Variants in EVA1A observed in about 807,000 individuals in gnomAD.
EVA1A encodes protein eva-1 homolog A.
EVA1A carries 7 observed loss-of-function variants against 9.8 expected under a neutral mutation model. The ratio of observed to expected loss-of-function variants is 0.71; its 90% CI spans 0.41 to 1.34. EVA1A has a LOEUF of 1.34. Ranked by LOEUF, EVA1A falls within the 40% of genes most tolerant of loss-of-function variation. EVA1A has a pLI of 0.01. For synonymous variants in EVA1A, 90 were observed against 85.6 expected (o/e 1.05, Z -0.28); for missense variants, 206 against 205.9 (o/e 1.00, Z 0.00).
chr2:75,517,353 A>G (rs1675049632), intron 3 of EVA1A, among the ~76,000 whole-genome samples: 1 of 152,200 alleles, frequency 6.6e-6, no homozygotes, highest in Non-Finnish European at 1.5e-5. Flanking sequence ...ACAAAACAAA[A>G]ACAAAAGAAA....
intron 1 of EVA1A, among the ~76,000 whole-genome samples, chr2:75,568,813 G>A (rs941137273): frequency 5.3e-5 from 8 of 152,202 alleles, no homozygotes; most frequent in Non-Finnish European, 1.2e-4. Flanking sequence ...TGGCTGAGTA[G>A]TATTCCATGA....
intron 2 of EVA1A, among the ~76,000 whole-genome samples, chr2:75,520,973 C>A (rs965463395): frequency 2.0e-5 from 3 of 152,122 alleles, no homozygotes; most frequent in Non-Finnish European, 2.9e-5. Flanking sequence ...AGACTGCTAC[C>A]TATCCTAATT....
chr2:75,531,635 A>G (rs2103894536), intron 1 of EVA1A, among the ~76,000 whole-genome samples: 1 of 152,292 alleles, frequency 6.6e-6, no homozygotes, highest in East Asian at 1.9e-4. Flanking sequence ...GTTGGAGACC[A>G]TTATTCTAAG....
At chr2:75,537,299 A>G (rs1675945704) in intron 1 of EVA1A, among the ~76,000 whole-genome samples, 1 of 152,254 alleles carries the variant, frequency 6.6e-6, no homozygotes, top group African/African-American at 2.4e-5. Flanking sequence ...AAATATGAAT[A>G]GAGGGGAATT....
intron 3 of EVA1A, among the ~76,000 whole-genome samples, chr2:75,515,696 G>T (rs1261126474): frequency 6.6e-6 from 1 of 152,126 alleles, no homozygotes; most frequent in Non-Finnish European, 1.5e-5. Context: ...AATTTTAAAT[G>T]CCTCCTTTTA....
At chr2:75,514,378 T>C (rs1169414322) in intron 3 of EVA1A, among the ~76,000 whole-genome samples, 2 of 152,176 alleles carry the variant, frequency 1.3e-5, no homozygotes, top group Admixed American at 6.5e-5. Context: ...GAAATGCTTA[T>C]AGCACAACCA....
rs192080278 is a variant in EVA1A at position 75,505,687 on chromosome 2, G to A, written c.86-12078C>T. Reference sequence around the variant, plus strand: ...AATTTAGCTGGGCATGGTGGTGCACGTCTGTAATCCCAGCTACTCGGGAGG... The same window carrying A: ...AATTTAGCTGGGCATGGTGGTGCACATCTGTAATCCCAGCTACTCGGGAGG... On this transcript the variant is annotated intron_variant, in intron 3 of 3. Coordinates refer to ENST00000393913, the MANE Select transcript of EVA1A (RefSeq NM_001135032.2). Among the ~76,000 whole-genome samples, 7 of 152,074 alleles carry A rather than the reference G, an allele frequency of 4.6e-5. No homozygotes were observed. In the East Asian group the frequency reaches 7.8e-4, roughly 17 times the overall value.
intron 1 of EVA1A, among the ~76,000 whole-genome samples, chr2:75,546,554 G>A (rs547925933): frequency 2.0e-5 from 3 of 152,106 alleles, no homozygotes; most frequent in East Asian, 1.9e-4. Context: ...TATATACGAC[G>A]TGGATGGAAA....
chr2:75,493,420 A>C lies in EVA1A; in HGVS notation c.275T>G (p.Val92Gly). 1 of 1,614,164 alleles carries C rather than the reference A, an allele frequency of 6.2e-7. No homozygotes were observed. Among genetic ancestry groups the C allele is most frequent in the Non-Finnish European group, 8.5e-7 (1 of 1,180,024 alleles). ...GTGTCTCCGCACGGAGAGATCGGAC[A>C]CGGTGTCCTCACTGCCATCCTCGCT... The part of the protein sequence containing the change: ...SDSEDGSEDT[V>G]SDLSVRRHRR... Residue 92 changes from valine to glycine, a missense_variant, in exon 4 of 4, where the codon GTG becomes GGG. Physicochemically the swap from Val to Gly is moderately radical, Grantham distance 109. Coordinates refer to ENST00000393913, the MANE Select transcript of EVA1A (RefSeq NM_001135032.2).
At position 75,556,623 on chromosome 2, in the gene EVA1A, T is replaced by C. The variant is rs889589235; in HGVS notation, c.-192+4057A>G. ...GGATAATGCCAGGAGACAGTACGAG[T>C]CTGGTGTGGGAAAGGGAAGGCAGTG... On this transcript the variant is annotated intron_variant, in intron 1 of 3. Transcript: ENST00000393913. Among the ~76,000 whole-genome samples, 59 of 152,082 alleles carry C rather than the reference T, an allele frequency of 3.9e-4. 1 individual carries two copies.
intron 1 of EVA1A, among the ~76,000 whole-genome samples, chr2:75,524,885 TATAA>T (rs1675366216): frequency 6.6e-6 from 1 of 152,124 alleles, no homozygotes; most frequent in Non-Finnish European, 1.5e-5. Context: ...CATCTCTCTA[TATAA>T]ATAGGTAGGC....
chr2:75,528,302 G>T (rs1675523611), intron 1 of EVA1A, among the ~76,000 whole-genome samples: 1 of 152,200 alleles, frequency 6.6e-6, no homozygotes, highest in African/African-American at 2.4e-5. Flanking sequence ...GATGAGCACA[G>T]AAGCTGTGGC....
At chr2:75,551,075 A>T (rs932238128) in intron 1 of EVA1A, among the ~76,000 whole-genome samples, 1 of 152,160 alleles carries the variant, frequency 6.6e-6, no homozygotes, top group Non-Finnish European at 1.5e-5. Context: ...GTGAGCCAAG[A>T]TCGCACCACA....
At chr2:75,534,113 C>T (rs1178205253) in intron 1 of EVA1A, among the ~76,000 whole-genome samples, 3 of 152,058 alleles carry the variant, frequency 2.0e-5, no homozygotes, top group Admixed American at 6.6e-5. Flanking sequence ...GTGGCAAATG[C>T]CTATAGTTTC....
chr2:75,564,752 T>A (rs1373045457), upstream of EVA1A, among the ~76,000 whole-genome samples: 1 of 152,216 alleles, frequency 6.6e-6, no homozygotes, highest in Non-Finnish European at 1.5e-5. Context: ...CACATTCCTA[T>A]TGCTTCTGCT....
At chr2:75,518,567 T>C in intron 2 of EVA1A, 1 of 984,984 alleles carries the variant, frequency 1.0e-6, no homozygotes, top group South Asian at 4.5e-5. Context: ...ACTCCTTACA[T>C]CCCTGATTTT....
intron 1 of EVA1A, among the ~76,000 whole-genome samples, chr2:75,536,824 CA>C (rs145872980): frequency 1.7e-4 from 26 of 149,390 alleles, no homozygotes; most frequent in East Asian, 9.9e-4. Flanking sequence ...CCCCCCGCTC[CA>C]AAAAAAAACA....
At chr2:75,517,626 C>A (rs772671811) in intron 3 of EVA1A, among the ~76,000 whole-genome samples, 1 of 152,082 alleles carries the variant, frequency 6.6e-6, no homozygotes, top group Non-Finnish European at 1.5e-5. Flanking sequence ...CTCAGAAAGG[C>A]CCCAAACACA....
At chr2:75,555,761 C>T (rs1676689074) in intron 1 of EVA1A, among the ~76,000 whole-genome samples, 2 of 152,172 alleles carry the variant, frequency 1.3e-5, no homozygotes, top group Admixed American at 1.3e-4. Context: ...CCTCCCCAGG[C>T]CCATCTCTGC....
Sources: gnomAD v4.1 joint callset for allele counts (sites outside exome capture counted in the v4.1 genomes callset) on GRCh38, gnomAD v4.1.1 for gene constraint, MANE v1.5 for transcripts, NCBI Gene and HGNC (gene_info 2026-07-23, HGNC 2026-07-21) for gene names.